Variants in RBMS3 observed in about 807,000 individuals in gnomAD.
RBMS3 encodes the protein RNA binding motif single stranded interacting protein 3.
Under a neutral mutation model 66.8 loss-of-function variants are expected in RBMS3, and 27 were observed. The observed-to-expected ratio is 0.40, with a 90% CI of 0.30 to 0.56. RBMS3 has a LOEUF of 0.56. Ranked by LOEUF, RBMS3 falls within the 20% of genes least tolerant of loss-of-function variation. The pLI, the probability that RBMS3 is intolerant of heterozygous loss-of-function variation, is 0.40. For missense variants in RBMS3, 513 were observed against 549.5 expected (o/e 0.93, Z 0.66); for synonymous variants, 188 against 183.0 (o/e 1.03, Z -0.22).
intron 4 of RBMS3, among the ~76,000 whole-genome samples, chr3:29,671,305 A>G (rs1421397213): frequency 6.6e-6 from 1 of 152,258 alleles, no homozygotes; most frequent in African/African-American, 2.4e-5. Context: ...AAAGGTAGCT[A>G]AAACCACAAA....
intron 4 of RBMS3, among the ~76,000 whole-genome samples, chr3:29,600,349 A>T (rs1340470815): frequency 6.6e-6 from 1 of 151,856 alleles, no homozygotes; most frequent in Admixed American, 6.6e-5. Flanking sequence ...AATAAATGAG[A>T]TCTTGCTCTA....
chr3:29,492,413 A>AC (rs2043583892), intron 3 of RBMS3, among the ~76,000 whole-genome samples: 1 of 152,224 alleles, frequency 6.6e-6, no homozygotes, highest in African/African-American at 2.4e-5. Context: ...ATATGAGGTC[A>AC]TGGAAAGGTT....
chr3:29,898,731 A>ATGTGTGTGTGTGTGTGTGTG (rs1265286069), intron 9 of RBMS3, among the ~76,000 whole-genome samples: 39 of 112,302 alleles, frequency 3.5e-4, no homozygotes, highest in African/African-American at 1.5e-3. Context: ...CCTGGTTGTA[A>ATGTGTGTGTGTGTGTGTGTG]TGTGCGTGTG....
intron 1 of RBMS3, among the ~76,000 whole-genome samples, chr3:29,409,001 G>A (rs1034308836): frequency 6.6e-6 from 1 of 152,164 alleles, no homozygotes; most frequent in African/African-American, 2.4e-5. Context: ...GACTATCAGA[G>A]TTGAAAGGAA....
chr3:29,827,730 G>T (rs1305888284), intron 6 of RBMS3, among the ~76,000 whole-genome samples: 1 of 152,092 alleles, frequency 6.6e-6, no homozygotes. Flanking sequence ...CTTGCATGTA[G>T]CAGGAACAAG....
At chr3:29,434,475 C>A (rs1373487552) in intron 1 of RBMS3, among the ~76,000 whole-genome samples, 1 of 152,144 alleles carries the variant, frequency 6.6e-6, no homozygotes, top group Non-Finnish European at 1.5e-5. Context: ...TAGTCAGAGA[C>A]AAGTTCAAAT....
intron 1 of RBMS3, among the ~76,000 whole-genome samples, chr3:29,310,980 C>A (rs1046694271): frequency 8.6e-5 from 13 of 151,800 alleles, no homozygotes; most frequent in African/African-American, 3.1e-4. Flanking sequence ...CAGTCCAACT[C>A]CCAGTGAGTC....
rs1388548907 is a variant in RBMS3, at chr3:29,675,984, A to T, written c.400-63736A>T. 2.6e-5 allele frequency among the ~76,000 whole-genome samples: 4 copies of T among 152,360 alleles called. No homozygotes were observed. In the East Asian group the frequency reaches 5.8e-4, roughly 22 times the overall value. ...TAAAGACACATGCACACATATGTTT[A>T]TGGTGGCACTATTCACAATAGCAAA... On this transcript the variant is annotated intron_variant, in intron 4 of 14. Transcript: ENST00000383767.
chr3:29,471,718 GTT>G (rs397793236), intron 2 of RBMS3, among the ~76,000 whole-genome samples: 217 of 71,168 alleles, frequency 3.0e-3, no homozygotes, highest in African/African-American at 9.5e-3. Context: ...TGAGGACTTA[GTT>G]TTTTTTTTTT....
intron 1 of RBMS3, among the ~76,000 whole-genome samples, chr3:29,427,237 T>A (rs1265155245): frequency 1.3e-5 from 2 of 152,236 alleles, no homozygotes; most frequent in Non-Finnish European, 2.9e-5. Flanking sequence ...ATGCTTGTAT[T>A]CTAGATAATG....
chr3:29,962,010 T>G (rs950994958), intron 12 of RBMS3, among the ~76,000 whole-genome samples: 1 of 145,800 alleles, frequency 6.9e-6, no homozygotes, highest in African/African-American at 2.5e-5. Flanking sequence ...ATATATTATA[T>G]ATTTTTATAT....
chr3:29,624,478 G>A (rs773589931), intron 4 of RBMS3, among the ~76,000 whole-genome samples: 17 of 151,980 alleles, frequency 1.1e-4, no homozygotes, highest in South Asian at 2.1e-4. Context: ...GCTGAAAATC[G>A]AGTCCATAAG....
chr3:29,641,817 T>C (rs1051786690), intron 4 of RBMS3, among the ~76,000 whole-genome samples: 3 of 152,054 alleles, frequency 2.0e-5, no homozygotes, highest in Admixed American at 6.6e-5. Flanking sequence ...AGGACACTTA[T>C]GCTAAAGTCA....
intron 4 of RBMS3, among the ~76,000 whole-genome samples, chr3:29,711,720 ATC>A (rs2053180013): frequency 6.6e-6 from 1 of 152,170 alleles, no homozygotes; most frequent in Non-Finnish European, 1.5e-5. Flanking sequence ...ACATGCTCTA[ATC>A]TTTGGCACAC....
chr3:29,353,413 A>C (rs148874599), intron 1 of RBMS3, among the ~76,000 whole-genome samples: 7 of 152,052 alleles, frequency 4.6e-5, no homozygotes, highest in African/African-American at 1.4e-4. Context: ...TTTTGCGTTA[A>C]AGGAGTATAG....
intron 6 of RBMS3, among the ~76,000 whole-genome samples, chr3:29,816,308 AC>A (rs2057898847): frequency 2.5e-5 from 1 of 40,128 alleles, no homozygotes; most frequent in African/African-American, 9.2e-5. Context: ...ACAGACACAC[AC>A]AGACACACAC....
Position 29,630,805 on chromosome 3 carries a change from AATGTT to A in RBMS3, c.399+43601_399+43605del, listed in dbSNP as rs1484563039. Among the ~76,000 whole-genome samples the A allele has an allele frequency of 1.1e-4, 16 of 152,116 alleles. No homozygotes were observed. In the East Asian group the frequency reaches 3.1e-3, roughly 29 times the overall value. On this transcript the variant is annotated intron_variant, in intron 4 of 14. Transcript: ENST00000383767. ...TGGAATACTATGATGCTTTTTAGAA[AATGTT>A]TAAGTTGGTCAAACAAGTAATGATT...
At chr3:29,936,035 T>C (rs1421426187) in intron 10 of RBMS3, 51 bp from the exon 11 acceptor site, 1 of 1,429,746 alleles carries the variant, frequency 7.0e-7, no homozygotes, top group Non-Finnish European at 9.7e-7. Flanking sequence ...TTGTAAGAAG[T>C]CTCCTTCCTT....
intron 11 of RBMS3, among the ~76,000 whole-genome samples, chr3:29,939,683 T>C (rs2061345745): frequency 6.6e-6 from 1 of 151,898 alleles, no homozygotes; most frequent in Non-Finnish European, 1.5e-5. Context: ...CTTCTTCTCT[T>C]CCTGCACAGA....
Sources: allele counts gnomAD v4.1 joint callset (sites outside exome capture counted in the v4.1 genomes callset), GRCh38; gene constraint gnomAD v4.1.1; transcripts MANE v1.5; gene names NCBI Gene and HGNC (gene_info 2026-07-23, HGNC 2026-07-21).